Variants in PDE4D observed in about 807,000 individuals in gnomAD.
The protein encoded by PDE4D is 3',5'-cyclic-AMP phosphodiesterase 4D.
A neutral mutation model predicts 87.4 loss-of-function variants in PDE4D; 24 were observed. The ratio of observed to expected loss-of-function variants is 0.27; its 90% CI spans 0.20 to 0.39. The LOEUF is 0.39. Among genes scored for constraint, PDE4D ranks in the 10% least tolerant of loss-of-function variants. The pLI is 1.00. For synonymous variants in PDE4D, 384 were observed against 383.2 expected, an observed-to-expected ratio of 1.00 and a Z score of -0.02; for missense variants, 714 against 1,041.0, an observed-to-expected ratio of 0.69 and a Z score of 4.32.
chr5:59,005,390 A>C (rs572740282), intron 6 of PDE4D, among the ~76,000 whole-genome samples: 25 of 152,238 alleles, frequency 1.6e-4, no homozygotes, highest in Non-Finnish European at 3.4e-4. Context: ...TTGAGTAAAA[A>C]GTACCAAGGA....
At chr5:59,985,145 G>GTT (rs572481656) in intron 3 of PDE4D, among the ~76,000 whole-genome samples, 2 of 110,556 alleles carry the variant, frequency 1.8e-5, no homozygotes, top group East Asian at 4.4e-4. Context: ...TTTGTTTTTT[G>GTT]TTTTTTATTT....
intron 1 of PDE4D, among the ~76,000 whole-genome samples, chr5:59,680,425 A>C (rs928228999): frequency 2.0e-5 from 3 of 152,164 alleles, no homozygotes; most frequent in Non-Finnish European, 4.4e-5. Flanking sequence ...TCTTATTATT[A>C]AGGAAAGGAA....
At position 59,269,458 on chromosome 5, in the gene PDE4D, A is replaced by C. The variant is rs937985971; in HGVS notation, c.456-53490T>G. ...AAAAGTTACATAACTTCAAGGTCTTATAAGGCAGAGGTATTTGAACTGCTA... is the reference window on the plus strand; with the variant it reads ...AAAAGTTACATAACTTCAAGGTCTTCTAAGGCAGAGGTATTTGAACTGCTA... On this transcript the variant is annotated intron_variant, in intron 1 of 14. Transcript: ENST00000340635. Among the ~76,000 whole-genome samples, 9 of 152,288 alleles carry C rather than the reference A, an allele frequency of 5.9e-5. No individual in the cohort carries two copies. The South Asian group carries it at 1.9e-3, about 32-fold the overall frequency.
chr5:60,158,716 C>T lies in PDE4D; in HGVS notation c.42+26841G>A, dbSNP rs139104403. On this transcript the variant is annotated intron_variant, in intron 2 of 16. Transcript: ENST00000502484. Reference sequence around the variant, plus strand: ...CAGCTGGGACCACAGGCCCCCGCCACCACTCCTGGCTAATTTTTTTAAATA... The same window carrying T: ...CAGCTGGGACCACAGGCCCCCGCCATCACTCCTGGCTAATTTTTTTAAATA... Among the ~76,000 whole-genome samples the T allele has an allele frequency of 1.7e-4, 26 of 152,270 alleles. No individual in the cohort carries two copies. In the East Asian group the frequency reaches 5.0e-3, roughly 29 times the overall value.
chr5:59,701,780 C>G (rs750277559), intron 1 of PDE4D, among the ~76,000 whole-genome samples: 1 of 152,206 alleles, frequency 6.6e-6, no homozygotes, highest in Non-Finnish European at 1.5e-5. Flanking sequence ...CTTCTCAAAG[C>G]TTTAGTACAG....
intron 1 of PDE4D, among the ~76,000 whole-genome samples, chr5:60,250,556 A>C (rs1748309998): frequency 6.6e-6 from 1 of 151,960 alleles, no homozygotes; most frequent in African/African-American, 2.4e-5. Context: ...GAAGCTGAAA[A>C]ATTCCTATAG....
chr5:59,038,255 G>A (rs1758899954), intron 6 of PDE4D, among the ~76,000 whole-genome samples: 1 of 152,150 alleles, frequency 6.6e-6, no homozygotes, highest in Non-Finnish European at 1.5e-5. Context: ...CCTAGTTGAA[G>A]CCTCCTTGTA....
At chr5:59,328,126 C>G (rs1381436402) in intron 1 of PDE4D, among the ~76,000 whole-genome samples, 1 of 152,052 alleles carries the variant, frequency 6.6e-6, no homozygotes, top group Non-Finnish European at 1.5e-5. Flanking sequence ...AGCACAATAT[C>G]CATTAAACTA....
chr5:59,968,459 A>G (rs774437392), intron 3 of PDE4D, among the ~76,000 whole-genome samples: 1 of 152,148 alleles, frequency 6.6e-6, no homozygotes, highest in Non-Finnish European at 1.5e-5. Context: ...GCATTAAAAA[A>G]TTACCTATCT....
chr5:60,451,546 G>C (rs184607325), intron 1 of PDE4D, among the ~76,000 whole-genome samples: 179 of 152,116 alleles, frequency 1.2e-3, no homozygotes, highest in Non-Finnish European at 1.9e-3. Flanking sequence ...CCTTTAGGAC[G>C]TCATAATAGA....
At chr5:60,209,080 C>G (rs1026584663) in intron 1 of PDE4D, among the ~76,000 whole-genome samples, 4 of 151,960 alleles carry the variant, frequency 2.6e-5, no homozygotes, top group East Asian at 1.9e-4. Context: ...TTTCACTGAG[C>G]TGGAAGAGAA....
intron 1 of PDE4D, among the ~76,000 whole-genome samples, chr5:60,204,230 CATCT>C (rs1270039563): frequency 2.0e-5 from 3 of 152,124 alleles, no homozygotes; most frequent in Non-Finnish European, 2.9e-5. Flanking sequence ...ATCTCTCTGT[CATCT>C]ATCTAATCTA....
intron 2 of PDE4D, chr5:59,988,813 G>A: frequency 3.2e-6 from 2 of 627,982 alleles, no homozygotes; most frequent in Non-Finnish European, 5.3e-6. Context: ...AAGAAATTAA[G>A]TAAAATGTAT....
intron 5 of PDE4D, among the ~76,000 whole-genome samples, chr5:59,073,609 C>T (rs1765234319): frequency 6.6e-6 from 1 of 151,930 alleles, no homozygotes; most frequent in African/African-American, 2.4e-5. Context: ...CTGTTGTTCC[C>T]TACCCAGCAG....
At chr5:59,026,051 C>T (rs144313238) in intron 6 of PDE4D, among the ~76,000 whole-genome samples, 1 of 152,374 alleles carries the variant, frequency 6.6e-6, no homozygotes, top group Non-Finnish European at 1.5e-5. Flanking sequence ...AGCCAACAAA[C>T]ACATCCTTTC....
intron 1 of PDE4D, among the ~76,000 whole-genome samples, chr5:60,280,999 C>A (rs1194930892): frequency 6.6e-6 from 1 of 152,138 alleles, no homozygotes; most frequent in Non-Finnish European, 1.5e-5. Context: ...CTGACAAGGA[C>A]GTTTCAATCA....
At position 59,696,068 on chromosome 5, in the gene PDE4D, T is replaced by C. The variant is rs138049279; in HGVS notation, c.455+197100A>G. The stretch of plus-strand genomic sequence containing the variant: ...AAATAAAATATGATTTACACATATA[T>C]AGGAAAGAAGAGTAAGTTAACTTTT... On this transcript the variant is annotated intron_variant, in intron 1 of 14. Coordinates refer to ENST00000340635, the MANE Select transcript of PDE4D (RefSeq NM_001104631.2). 1.3e-3 allele frequency among the ~76,000 whole-genome samples: 200 copies of C among 152,330 alleles called. 1 individual carries two copies. The highest frequency in any genetic ancestry group is 1.8e-3 in the Non-Finnish European group (125 of 68,024).
chr5:59,777,242 A>T (rs1764167722), intron 1 of PDE4D, among the ~76,000 whole-genome samples: 3 of 152,180 alleles, frequency 2.0e-5, no homozygotes, highest in Non-Finnish European at 4.4e-5. Context: ...GGTTATTGTT[A>T]TGGTCCTGCT....
intron 1 of PDE4D, among the ~76,000 whole-genome samples, chr5:59,632,586 G>A (rs1462282129): frequency 1.3e-5 from 2 of 152,214 alleles, no homozygotes; most frequent in Non-Finnish European, 2.9e-5. Flanking sequence ...CTCTGCTAGT[G>A]ATACCCAGGC....
Sources: gnomAD v4.1 joint callset for allele counts (sites outside exome capture counted in the v4.1 genomes callset) on GRCh38, gnomAD v4.1.1 for gene constraint, MANE v1.5 for transcripts, NCBI Gene and HGNC (gene_info 2026-07-23, HGNC 2026-07-21) for gene names.